The following TMEM255A variants were observed in gnomAD, a reference collection of about 807,000 sequenced individuals.
TMEM255A encodes transmembrane protein 255A, also known as family with sequence similarity 70, member A.
A neutral mutation model predicts 23.5 loss-of-function variants in TMEM255A; 14 were observed. That is an observed-to-expected ratio of 0.60 (90% CI 0.39 to 0.93). The LOEUF (loss-of-function observed/expected upper bound fraction) is 0.93, where lower values mean the gene tolerates loss of function less well. Among genes scored for constraint, TMEM255A ranks in the 40% least tolerant of loss-of-function variants. TMEM255A has a pLI of 0.00. For synonymous variants in TMEM255A, 104 were observed against 100.3 expected, an observed-to-expected ratio of 1.04 and a Z score of -0.22; for missense variants, 233 against 261.7, an observed-to-expected ratio of 0.89 and a Z score of 0.76.
intron 5 of TMEM255A, chrX:120,286,077 C>T (rs1423249589): frequency 2.0e-5 from 7 of 345,716 alleles, no homozygotes; most frequent in Non-Finnish European, 2.4e-5. Flanking sequence ...TCTATTCCTC[C>T]TATCTAACCT....
At chrX:120,297,410 G>A (rs183005280) in intron 2 of TMEM255A, among the ~76,000 whole-genome samples, 6 of 105,944 alleles carry the variant, frequency 5.7e-5, no homozygotes, top group East Asian at 3.0e-4. Flanking sequence ...TTTTGTATGC[G>A]CTCAAAAGAT....
At chrX:120,296,618 G>GAATATAATATATATATATTATATTAT (rs1432732410) in intron 2 of TMEM255A, among the ~76,000 whole-genome samples, 5 of 65,889 alleles carry the variant, frequency 7.6e-5, no homozygotes, top group Non-Finnish European at 1.0e-4. Context: ...ACGCAGCCAG[G>GAATATAATATATATATATTATATTAT]AATATAATAT....
chrX:120,307,794 C>G (rs2058074075), intron 1 of TMEM255A, among the ~76,000 whole-genome samples: 1 of 111,988 alleles, frequency 8.9e-6, no homozygotes, highest in Non-Finnish European at 1.9e-5. Context: ...CCTCTGCAAC[C>G]AACAGCAGTG....
intron 2 of TMEM255A, among the ~76,000 whole-genome samples, chrX:120,301,745 C>G (rs1372758349): frequency 8.9e-6 from 1 of 111,739 alleles, no homozygotes; most frequent in Non-Finnish European, 1.9e-5. Context: ...TGCAGGTTCA[C>G]AAGGTCATTC....
intron 6 of TMEM255A, among the ~76,000 whole-genome samples, chrX:120,283,578 G>A (rs1221373504): frequency 2.7e-5 from 3 of 111,198 alleles, no homozygotes; most frequent in African/African-American, 9.8e-5. Context: ...CCCTCAGTTC[G>A]CCTTCACTAA....
At chrX:120,294,745 C>T (rs1174178313) in intron 2 of TMEM255A, among the ~76,000 whole-genome samples, 1 of 112,027 alleles carries the variant, frequency 8.9e-6, no homozygotes, top group Non-Finnish European at 1.9e-5. Flanking sequence ...AGACCTTCCA[C>T]TTTGATGTAT....
chrX:120,307,693 A>G (rs1477844097), intron 1 of TMEM255A, among the ~76,000 whole-genome samples: 1 of 112,307 alleles, frequency 8.9e-6, no homozygotes, highest in Non-Finnish European at 1.9e-5. Flanking sequence ...CTCAAATTAA[A>G]AGCCTTCTGG....
intron 7 of TMEM255A, among the ~76,000 whole-genome samples, chrX:120,269,691 G>A (rs915335972): frequency 8.9e-6 from 1 of 111,758 alleles, no homozygotes; most frequent in East Asian, 2.8e-4. Flanking sequence ...ATGTTTGTCA[G>A]CCTCTTTAAT....
intron 6 of TMEM255A, among the ~76,000 whole-genome samples, chrX:120,277,362 T>C (rs893715495): frequency 3.6e-5 from 4 of 112,456 alleles, no homozygotes; most frequent in Admixed American, 9.3e-5. Flanking sequence ...ATGTGTGAAT[T>C]CATTGCATCT....
intron 6 of TMEM255A, 143 bp downstream of exon 6, chrX:120,284,984 G>A: frequency 1.8e-6 from 1 of 540,961 alleles, no homozygotes; most frequent in Non-Finnish European, 3.3e-6. Context: ...GAGAAGGCAA[G>A]TAATGTCTGT....
Position 120,311,310 on chromosome X carries a change from G to C in TMEM255A, c.-1C>G. 8.5e-7 allele frequency: 1 copy of C among 1,176,069 alleles called. No homozygotes were observed. Among genetic ancestry groups the C allele is most frequent in the Non-Finnish European group, 1.1e-6 (1 of 876,497 alleles). Reference sequence around the variant, plus strand: ...GCTGCTGAGTCAGGGACTGATGCATGGTGAAAACTGCCCGGTTGCCCCAGT... The same window carrying C: ...GCTGCTGAGTCAGGGACTGATGCATCGTGAAAACTGCCCGGTTGCCCCAGT... On this transcript the variant is annotated 5_prime_UTR_variant, in exon 1 of 9. Transcript: ENST00000371369.
In TMEM255A at chrX:120,268,158, G is replaced by T. The variant is rs192927893; in HGVS notation, c.819+86C>A. The stretch of plus-strand genomic sequence containing the variant: ...TCATACATATGCAGACAATGGAAAG[G>T]TTCCATAATTGAATTTAGGGAGAGA... On this transcript the variant is annotated intron_variant, in intron 8 of 8. Transcript: ENST00000371369. 2,460 of 1,009,036 alleles carry T rather than the reference G, an allele frequency of 2.4e-3. 10 individuals carry two copies. The highest frequency in any genetic ancestry group is 2.5e-3 in the Non-Finnish European group (1,878 of 750,165). The allele number at this position is 1,009,036 out of a possible 1,213,427, so 83.2% of individuals were successfully genotyped here. A position where few individuals can be genotyped will look rare whatever the true frequency, so the allele number is the denominator to read the frequency against.
At chrX:120,285,266 G>C (rs1448418497) in intron 5 of TMEM255A, 51 bp from the exon 6 acceptor site, 1 of 1,033,004 alleles carries the variant, frequency 9.7e-7, no homozygotes, top group East Asian at 3.0e-5. Context: ...TAGGAAGCAG[G>C]ACCCTCTGGG....
intron 3 of TMEM255A, 71 bp downstream of exon 3, chrX:120,293,918 T>G (rs1296621822): frequency 3.9e-6 from 3 of 779,221 alleles, no homozygotes; most frequent in Non-Finnish European, 5.7e-6. Flanking sequence ...TTAAGAAATG[T>G]GTTACTTATC....
intron 6 of TMEM255A, among the ~76,000 whole-genome samples, chrX:120,281,144 G>T (rs1179515041): frequency 1.8e-5 from 2 of 112,313 alleles, no homozygotes; most frequent in Admixed American, 1.9e-4. Context: ...GCAACCTCTT[G>T]AGGGCGAGGG....
chrX:120,278,182 G>A (rs1298082491), intron 6 of TMEM255A, among the ~76,000 whole-genome samples: 1 of 88,251 alleles, frequency 1.1e-5, no homozygotes, highest in Non-Finnish European at 2.1e-5. Context: ...GAATGTGAAA[G>A]GAAAGGTCAC....
intron 6 of TMEM255A, among the ~76,000 whole-genome samples, chrX:120,282,463 G>A (rs1161482938): frequency 8.9e-6 from 1 of 111,751 alleles, no homozygotes; most frequent in African/African-American, 3.3e-5. Flanking sequence ...ACCCCTCTCA[G>A]TTGCCTAGTC....
At chrX:120,279,394 G>A (rs1387158505) in intron 6 of TMEM255A, among the ~76,000 whole-genome samples, 2 of 112,359 alleles carry the variant, frequency 1.8e-5, no homozygotes, top group Non-Finnish European at 3.8e-5. Flanking sequence ...AGCTGGCATT[G>A]TACTAGGCCC....
At chrX:120,291,709 A>T (rs967636655) in intron 3 of TMEM255A, among the ~76,000 whole-genome samples, 46 of 107,230 alleles carry the variant, frequency 4.3e-4, no homozygotes, top group African/African-American at 1.5e-3. Flanking sequence ...CCTCTATTTT[A>T]TTTATGTAGA....
Sources: gnomAD v4.1 joint callset for allele counts (sites outside exome capture counted in the v4.1 genomes callset) on GRCh38, gnomAD v4.1.1 for gene constraint, MANE v1.5 for transcripts, NCBI Gene and HGNC (gene_info 2026-07-23, HGNC 2026-07-21) for gene names.